Variants in PHLDB2 observed in about 807,000 individuals in gnomAD.
PHLDB2 encodes pleckstrin homology-like domain family B member 2.
Under a neutral mutation model 123.6 loss-of-function variants are expected in PHLDB2, and 71 were observed. The observed-to-expected ratio is 0.57, with a 90% CI of 0.47 to 0.70. The LOEUF is 0.70. Ranked by LOEUF, PHLDB2 falls within the 30% of genes least tolerant of loss-of-function variation. PHLDB2 has a pLI of 0.00. For synonymous variants in PHLDB2, 547 were observed against 541.6 expected, an observed-to-expected ratio of 1.01 and a Z score of -0.14; for missense variants, 1,446 against 1,519.5, an observed-to-expected ratio of 0.95 and a Z score of 0.80.
intron 1 of PHLDB2, among the ~76,000 whole-genome samples, chr3:111,880,965 A>T (rs1057133048): frequency 6.6e-6 from 1 of 152,098 alleles, no homozygotes; most frequent in Non-Finnish European, 1.5e-5. Context: ...CCAGCTTTAG[A>T]TTCCTTACCT....
intron 2 of PHLDB2, among the ~76,000 whole-genome samples, chr3:111,904,678 G>A (rs2067409822): frequency 6.6e-6 from 1 of 152,026 alleles, no homozygotes; most frequent in Non-Finnish European, 1.5e-5. Context: ...TTGAGGGGAG[G>A]GAGGGACTTG....
At chr3:111,741,879 G>T (rs1481771209) in intron 1 of PHLDB2, among the ~76,000 whole-genome samples, 2 of 152,076 alleles carry the variant, frequency 1.3e-5, no homozygotes, top group African/African-American at 4.8e-5. Flanking sequence ...TAATTATACT[G>T]AACTTCAGAT....
chr3:111,962,023 T>C (rs1015586864), intron 12 of PHLDB2, 85 bp from the exon 13 acceptor site: 3 of 1,276,210 alleles, frequency 2.4e-6, no homozygotes, highest in Non-Finnish European at 3.3e-6. Context: ...CAGATGTTTC[T>C]GGTTGCTGGC....
chr3:111,791,712 T>C lies in PHLDB2; in HGVS notation c.-48-54109T>C, dbSNP rs1213425226. ...GTCAGTGATACATTATAATTGTACATATTTATGGGGTACATGTGATATTTT... is the reference window on the plus strand; with the variant it reads ...GTCAGTGATACATTATAATTGTACACATTTATGGGGTACATGTGATATTTT... On this transcript the variant is annotated intron_variant, in intron 1 of 17. Transcript: ENST00000393923. 2.0e-5 allele frequency among the ~76,000 whole-genome samples: 3 copies of C among 152,234 alleles called. No individual in the cohort carries two copies. In the East Asian group the frequency reaches 5.8e-4, roughly 29 times the overall value.
chr3:111,970,769 G>A (rs1413199163), intron 16 of PHLDB2, among the ~76,000 whole-genome samples: 2 of 151,994 alleles, frequency 1.3e-5, no homozygotes, highest in African/African-American at 4.8e-5. Flanking sequence ...CAGATATTAT[G>A]AAAAAAACCC....
At chr3:111,829,522 G>A (rs1262557696) in intron 1 of PHLDB2, among the ~76,000 whole-genome samples, 1 of 146,178 alleles carries the variant, frequency 6.8e-6, no homozygotes, top group East Asian at 2.0e-4. Context: ...GGAGTACAGT[G>A]GTATGATCTC....
intron 1 of PHLDB2, among the ~76,000 whole-genome samples, chr3:111,834,222 A>G (rs2063265122): frequency 1.8e-5 from 1 of 56,880 alleles, no homozygotes; most frequent in Non-Finnish European, 3.5e-5. Context: ...ATAGAATTAT[A>G]TATATATTAT....
At chr3:111,805,791 T>G (rs2061555031) in intron 1 of PHLDB2, among the ~76,000 whole-genome samples, 1 of 146,192 alleles carries the variant, frequency 6.8e-6, no homozygotes, top group Non-Finnish European at 1.5e-5. Context: ...AGGGAAATTT[T>G]GGGATGATGG....
At chr3:111,784,557 C>A (rs995531450) in intron 1 of PHLDB2, among the ~76,000 whole-genome samples, 9 of 152,092 alleles carry the variant, frequency 5.9e-5, no homozygotes, top group Admixed American at 4.6e-4. Context: ...GCAGCATAAG[C>A]AAGAACTAAT....
Position 111,853,298 on chromosome 3 carries a change from T to C in PHLDB2, c.67+7363T>C, listed in dbSNP as rs369720688. On this transcript the variant is annotated intron_variant, in intron 2 of 17. Coordinates refer to the PHLDB2 transcript ENST00000393923. ...GAAACAGTGGGTTACATAGTTTCCC[T>C]TAACAACAGTTGCAGATCCAATGTG... Among the ~76,000 whole-genome samples the C allele has an allele frequency of 4.6e-5, 7 of 152,312 alleles. No homozygotes were observed. In the South Asian group the frequency reaches 8.3e-4, roughly 18 times the overall value.
chr3:111,951,617 TA>T (rs1377208633), intron 10 of PHLDB2, among the ~76,000 whole-genome samples: 1 of 152,268 alleles, frequency 6.6e-6, no homozygotes, highest in Non-Finnish European at 1.5e-5. Flanking sequence ...TTTATTTCTT[TA>T]AAAAAATAAA....
intron 5 of PHLDB2, among the ~76,000 whole-genome samples, chr3:111,930,925 C>T (rs1375388911): frequency 1.3e-5 from 2 of 152,146 alleles, no homozygotes; most frequent in South Asian, 4.1e-4. Flanking sequence ...ATATACATTT[C>T]TAAATTTAAG....
At chr3:111,764,198 A>C (rs2060040501) in intron 1 of PHLDB2, among the ~76,000 whole-genome samples, 2 of 152,190 alleles carry the variant, frequency 1.3e-5, no homozygotes, top group South Asian at 4.1e-4. Context: ...GATCTGATGA[A>C]GTAATGTTTG....
chr3:111,798,581 G>A (rs1483461026), intron 1 of PHLDB2, among the ~76,000 whole-genome samples: 3 of 151,966 alleles, frequency 2.0e-5, no homozygotes, highest in African/African-American at 7.2e-5. Flanking sequence ...GGGAGGCTGA[G>A]GCAGGAGGAT....
intron 11 of PHLDB2, chr3:111,953,652 ATTC>A (rs1188552279): frequency 1.6e-5 from 5 of 303,530 alleles, no homozygotes; most frequent in Non-Finnish European, 1.9e-5. Flanking sequence ...ACTTTCAGCC[ATTC>A]TTTCAGGTGA....
intron 1 of PHLDB2, among the ~76,000 whole-genome samples, chr3:111,749,744 CT>C (rs1285789269): frequency 6.6e-6 from 1 of 152,092 alleles, no homozygotes; most frequent in Admixed American, 6.6e-5. Flanking sequence ...ATGAAAGAGC[CT>C]TTTTTCTTTA....
At chr3:111,745,916 T>C (rs1231730599) in intron 1 of PHLDB2, among the ~76,000 whole-genome samples, 1 of 152,166 alleles carries the variant, frequency 6.6e-6, no homozygotes, top group East Asian at 1.9e-4. Flanking sequence ...TGCTGAATTG[T>C]CTCTGTCACC....
intron 1 of PHLDB2, among the ~76,000 whole-genome samples, chr3:111,876,851 G>A (rs1246117458): frequency 1.3e-5 from 2 of 152,140 alleles, no homozygotes; most frequent in African/African-American, 2.4e-5. Context: ...TTAGTTTGCT[G>A]AGAATTATGG....
intron 1 of PHLDB2, among the ~76,000 whole-genome samples, chr3:111,792,294 T>C (rs961918302): frequency 1.6e-4 from 24 of 152,354 alleles, no homozygotes; most frequent in African/African-American, 5.5e-4. Context: ...TGTATATATA[T>C]CCTTTCTTAT....
Sources: gnomAD v4.1 joint callset for allele counts (sites outside exome capture counted in the v4.1 genomes callset) on GRCh38, gnomAD v4.1.1 for gene constraint, MANE v1.5 for transcripts, NCBI Gene and HGNC (gene_info 2026-07-23, HGNC 2026-07-21) for gene names.